Variants in BNC2 observed in about 807,000 individuals in gnomAD.
The protein encoded by BNC2 is zinc finger protein basonuclin-2.
A neutral mutation model predicts 76.3 loss-of-function variants in BNC2; 20 were observed. The observed-to-expected ratio is 0.26, with a 90% confidence interval of 0.18 to 0.38. BNC2 has a LOEUF of 0.38. Ranked by LOEUF, BNC2 falls within the 10% of genes least tolerant of loss-of-function variation. BNC2 has a pLI of 1.00. For missense variants in BNC2, 1,382 were observed against 1,399.8 expected (o/e 0.99, Z 0.20); for synonymous variants, 582 against 514.8 (o/e 1.13, Z -1.77).
intron 3 of BNC2, among the ~76,000 whole-genome samples, chr9:16,665,434 A>AAAGAAAG (rs1440071746): frequency 8.6e-6 from 1 of 116,166 alleles, no homozygotes; most frequent in South Asian, 3.3e-4. Flanking sequence ...GAAAGGAAAG[A>AAAGAAAG]AAAGAAAGAA....
Position 16,436,453 on chromosome 9 carries a change from C to G in BNC2, c.1741G>C (p.Glu581Gln). ...AGGGAGGTTGGAGGACTCACCATTT[C>G]CCCTGGAGTGAGTAAACTTCTATAA... Reference protein sequence around the residue: ...PFYRSLLTPGEMVSPPTSLPT... With the variant: ...PFYRSLLTPGQMVSPPTSLPT... The change falls in exon 6 of 7, where the codon GAA becomes CAA. Residue 581 changes from glutamate to glutamine, a missense_variant. Glu to Gln is a conservative substitution (Grantham distance 29). Around this residue, in one of 3 missense-constraint regions of BNC2, gnomAD observed 798 missense variants for 775.5 expected, o/e 1.03. Transcript: ENST00000380672. 3 of 1,614,016 alleles carry G rather than the reference C, an allele frequency of 1.9e-6. No individual in the cohort carries two copies. Among genetic ancestry groups the G allele is most frequent in the Non-Finnish European group, 2.5e-6 (3 of 1,180,000 alleles).
intron 4 of BNC2, among the ~76,000 whole-genome samples, chr9:16,558,111 G>T (rs928430785): frequency 6.6e-6 from 1 of 152,156 alleles, no homozygotes; most frequent in Non-Finnish European, 1.5e-5. Context: ...GCCTCCCAAA[G>T]TGTTGGGATT....
At chr9:16,745,838 T>C (rs1228314217) in intron 1 of BNC2, among the ~76,000 whole-genome samples, 1 of 152,218 alleles carries the variant, frequency 6.6e-6, no homozygotes, top group African/African-American at 2.4e-5. Flanking sequence ...CTGCTGGAAG[T>C]ACAGACATGG....
At chr9:16,849,215 G>A (rs1472893396) in intron 1 of BNC2, among the ~76,000 whole-genome samples, 2 of 151,814 alleles carry the variant, frequency 1.3e-5, no homozygotes, top group African/African-American at 2.4e-5. Flanking sequence ...TTTATTTCCC[G>A]AACTCTCATT....
chr9:16,504,402 A>T (rs534188809), intron 5 of BNC2, among the ~76,000 whole-genome samples: 5 of 150,616 alleles, frequency 3.3e-5, no homozygotes, highest in Admixed American at 3.3e-4. Context: ...TCACAATTAT[A>T]TCTATTCCAA....
chr9:16,860,504 C>A (rs1440873906), intron 1 of BNC2, among the ~76,000 whole-genome samples: 1 of 152,080 alleles, frequency 6.6e-6, no homozygotes, highest in African/African-American at 2.4e-5. Flanking sequence ...TAAAGTTGTA[C>A]CCCTACCTCA....
chr9:16,527,489 G>C (rs952869331), intron 5 of BNC2, among the ~76,000 whole-genome samples: 20 of 152,276 alleles, frequency 1.3e-4, no homozygotes, highest in Non-Finnish European at 2.5e-4. Flanking sequence ...GTGTTCAGCT[G>C]CCTGCTTGTG....
chr9:16,489,985 A>T (rs1302235163), intron 5 of BNC2, among the ~76,000 whole-genome samples: 1 of 152,168 alleles, frequency 6.6e-6, no homozygotes, highest in Non-Finnish European at 1.5e-5. Flanking sequence ...CTTCCCTCAA[A>T]AAATTTTTCT....
intron 3 of BNC2, among the ~76,000 whole-genome samples, chr9:16,662,182 CT>C (rs776761354): frequency 2.6e-5 from 4 of 152,156 alleles, no homozygotes; most frequent in Non-Finnish European, 5.9e-5. Context: ...ACTTTGTGTA[CT>C]CAGAATAGAT....
chr9:16,436,106 C>A lies in BNC2; in HGVS notation c.2088G>T (p.Arg696Ser), dbSNP rs142074144. Residue 696 changes from arginine to serine, a missense_variant, in exon 6 of 7, where the codon AGG becomes AGT. Transcript: ENST00000380672. The part of the protein sequence containing the change: ...MSVKDFSKHN[R>S]TRCISRTEIR... ...TTTCAGTCCTTGAAATGCACCGGGT[C>A]CTGTTATGCTTAGAAAAGTCCTTCA... The A allele has an allele frequency of 5.6e-6, 9 of 1,614,046 alleles. No homozygotes were observed. Among genetic ancestry groups the A allele is most frequent in the Non-Finnish European group, 7.6e-6 (9 of 1,180,048 alleles).
intron 1 of BNC2, among the ~76,000 whole-genome samples, chr9:16,768,068 C>T (rs989269195): frequency 6.6e-6 from 1 of 151,306 alleles, no homozygotes; most frequent in Non-Finnish European, 1.5e-5. Context: ...TGGGTTCAAG[C>T]GATTCTTCTG....
chr9:16,764,170 C>G (rs1225338429), intron 1 of BNC2, among the ~76,000 whole-genome samples: 1 of 152,206 alleles, frequency 6.6e-6, no homozygotes, highest in Non-Finnish European at 1.5e-5. Flanking sequence ...GTGTAGCTCA[C>G]TCACTGCCAG....
chr9:16,596,681 C>T (rs143905271), intron 3 of BNC2, among the ~76,000 whole-genome samples: 2 of 152,234 alleles, frequency 1.3e-5, no homozygotes. Context: ...GATTCCCTGG[C>T]TGGCCAACGA....
At chr9:16,523,784 G>A (rs913253977) in intron 5 of BNC2, among the ~76,000 whole-genome samples, 2 of 151,926 alleles carry the variant, frequency 1.3e-5, no homozygotes, top group Admixed American at 6.6e-5. Context: ...AAATTAGCCA[G>A]GCATGGTGGC....
chr9:16,718,040 G>A (rs762031678), intron 3 of BNC2, among the ~76,000 whole-genome samples: 2 of 152,156 alleles, frequency 1.3e-5, no homozygotes, highest in African/African-American at 4.8e-5. Flanking sequence ...TATTATACAC[G>A]CATGAATGTG....
intron 1 of BNC2, among the ~76,000 whole-genome samples, chr9:16,818,018 T>C (rs1818224781): frequency 1.3e-5 from 2 of 152,102 alleles, no homozygotes; most frequent in South Asian, 2.1e-4. Flanking sequence ...AAGGCAGGAC[T>C]GGGGAAGAGG....
intron 3 of BNC2, among the ~76,000 whole-genome samples, chr9:16,698,169 A>G (rs1205969262): frequency 6.6e-6 from 1 of 152,206 alleles, no homozygotes; most frequent in African/African-American, 2.4e-5. Flanking sequence ...CCTATTTACC[A>G]TCTAGCCCTG....
At chr9:16,445,650 G>C (rs758833663) in intron 5 of BNC2, among the ~76,000 whole-genome samples, 1 of 152,176 alleles carries the variant, frequency 6.6e-6, no homozygotes, top group South Asian at 2.1e-4. Flanking sequence ...CTCTAGGACA[G>C]GGATGCCCCA....
intron 4 of BNC2, among the ~76,000 whole-genome samples, chr9:16,564,177 T>G: frequency 6.6e-6 from 1 of 152,214 alleles, no homozygotes; most frequent in Admixed American, 6.5e-5. Flanking sequence ...ACAGAGTCTC[T>G]AGGGCCAGAG....
Sources: gnomAD v4.1 joint callset for allele counts (sites outside exome capture counted in the v4.1 genomes callset) on GRCh38, gnomAD v4.1.1 for gene constraint, gnomAD v4.1.1 regional missense constraint, MANE v1.5 for transcripts, NCBI Gene and HGNC (gene_info 2026-07-23, HGNC 2026-07-21) for gene names.